Variants in ATF6 observed in about 807,000 individuals in gnomAD.
The protein encoded by ATF6 is cyclic AMP-dependent transcription factor ATF-6 alpha.
ATF6 carries 53 observed loss-of-function variants against 83.6 expected under a neutral mutation model. The ratio of observed to expected loss-of-function variants is 0.63; its 90% CI spans 0.51 to 0.80. The LOEUF (loss-of-function observed/expected upper bound fraction) is 0.80, where lower values mean the gene tolerates loss of function less well. Among genes scored for constraint, ATF6 ranks in the 30% least tolerant of loss-of-function variants. The pLI, the probability that ATF6 is intolerant of heterozygous loss-of-function variation, is 0.00. For synonymous variants in ATF6, 288 were observed against 285.8 expected (o/e 1.01, Z -0.08); for missense variants, 744 against 797.9 (o/e 0.93, Z 0.81).
At chr1:161,835,021 G>C (rs938820092) in intron 9 of ATF6, among the ~76,000 whole-genome samples, 2 of 151,542 alleles carry the variant, frequency 1.3e-5, no homozygotes, top group African/African-American at 2.4e-5. Flanking sequence ...TCACTTCTAT[G>C]ATGTTCTTGT....
chr1:161,812,352 G>A (rs1685490000), intron 7 of ATF6, among the ~76,000 whole-genome samples: 1 of 143,738 alleles, frequency 7.0e-6, no homozygotes, highest in Non-Finnish European at 1.5e-5. Flanking sequence ...ATGGGAGCTG[G>A]AATGGGAGCA....
intron 13 of ATF6, among the ~76,000 whole-genome samples, chr1:161,862,313 CT>C (rs1297741512): frequency 6.6e-6 from 1 of 152,120 alleles, no homozygotes; most frequent in Non-Finnish European, 1.5e-5. Flanking sequence ...TTTTTCTCCT[CT>C]TAATAATATT....
At chr1:161,836,315 A>G (rs1686214589) in intron 9 of ATF6, among the ~76,000 whole-genome samples, 1 of 152,246 alleles carries the variant, frequency 6.6e-6, no homozygotes, top group African/African-American at 2.4e-5. Flanking sequence ...TATTGGCTGT[A>G]GGTTAAAAGT....
chr1:161,952,279 A>G (rs950359239), intron 15 of ATF6, among the ~76,000 whole-genome samples: 2 of 151,802 alleles, frequency 1.3e-5, no homozygotes, highest in African/African-American at 4.8e-5. Flanking sequence ...AGTCCTCTCC[A>G]CTAAAATGTC....
intron 5 of ATF6, 125 bp downstream of exon 5, chr1:161,791,662 G>T (rs1329196466): frequency 8.7e-6 from 9 of 1,037,654 alleles, no homozygotes; most frequent in Non-Finnish European, 1.1e-5. Flanking sequence ...TTAATTGGTG[G>T]ACCTATATTG....
chr1:161,874,832 C>CATGTAGGCAGACATTTTCTGATGT (rs1393930750), intron 14 of ATF6, among the ~76,000 whole-genome samples: 1 of 151,588 alleles, frequency 6.6e-6, no homozygotes, highest in African/African-American at 2.4e-5. Flanking sequence ...AAACCACAGC[C>CATGTAGGCAGACATTTTCTGATGT]ATGTAGGCAG....
At chr1:161,862,431 A>G (rs1384182015) in intron 13 of ATF6, among the ~76,000 whole-genome samples, 1 of 152,214 alleles carries the variant, frequency 6.6e-6, no homozygotes, top group Non-Finnish European at 1.5e-5. Flanking sequence ...TCCTGAACAC[A>G]TTAAGAACTC....
At chr1:161,919,673 G>A (rs751521961) in intron 15 of ATF6, among the ~76,000 whole-genome samples, 1 of 152,138 alleles carries the variant, frequency 6.6e-6, no homozygotes, top group Non-Finnish European at 1.5e-5. Context: ...CTGTGTGCCA[G>A]GTACCTGTTT....
At chr1:161,853,101 C>T (rs1352386316) in intron 11 of ATF6, 123 bp from the exon 12 acceptor site, 2 of 649,374 alleles carry the variant, frequency 3.1e-6, no homozygotes, top group Non-Finnish European at 5.1e-6. Context: ...ATTGAGTCAT[C>T]AGGCACTTGG....
At chr1:161,887,500 T>C (rs1297666428) in intron 14 of ATF6, among the ~76,000 whole-genome samples, 2 of 152,212 alleles carry the variant, frequency 1.3e-5, no homozygotes, top group Non-Finnish European at 2.9e-5. Context: ...GGATAATTGT[T>C]ATCACCCATC....
At chr1:161,870,291 A>G (rs1687095419) in intron 14 of ATF6, among the ~76,000 whole-genome samples, 1 of 151,882 alleles carries the variant, frequency 6.6e-6, no homozygotes, top group South Asian at 2.1e-4. Flanking sequence ...ATGCTGGAGA[A>G]TAACTTAATG....
At chr1:161,912,591 T>A (rs1018967605) in intron 15 of ATF6, among the ~76,000 whole-genome samples, 2 of 152,204 alleles carry the variant, frequency 1.3e-5, no homozygotes, top group African/African-American at 4.8e-5. Flanking sequence ...AGTAGCTTTC[T>A]TTTACTTACA....
chr1:161,863,329 A>G lies in ATF6; in HGVS notation c.1719+17A>G, dbSNP rs753942306. On this transcript the variant is annotated intron_variant, in intron 14 of 15. Coordinates refer to ENST00000367942, the MANE Select transcript of ATF6 (RefSeq NM_007348.4). ...TTTCGAAGGGTAAGTTCATCTTGAA[A>G]GAATAGAGCAAATATTTTTGAGTGC... 4 of 1,517,952 alleles carry G rather than the reference A, an allele frequency of 2.6e-6. No homozygotes were observed. The Admixed American group carries it at 6.7e-5, about 25-fold the overall frequency. The allele number at this position is 1,517,952 out of a possible 1,614,324, so 94.0% of individuals were successfully genotyped here.
chr1:161,838,841 C>T (rs1686284152), intron 9 of ATF6, among the ~76,000 whole-genome samples: 1 of 152,168 alleles, frequency 6.6e-6, no homozygotes, highest in African/African-American at 2.4e-5. Flanking sequence ...TTTATCTTGA[C>T]TTGAAGGTCT....
intron 14 of ATF6, among the ~76,000 whole-genome samples, chr1:161,907,528 G>T (rs183110188): frequency 3.3e-5 from 5 of 152,022 alleles, no homozygotes; most frequent in Admixed American, 3.3e-4. Context: ...GCTGCTCAGT[G>T]TCACAAGTGC....
chr1:161,882,917 A>G (rs1405435257), intron 14 of ATF6, among the ~76,000 whole-genome samples: 1 of 151,988 alleles, frequency 6.6e-6, no homozygotes, highest in Non-Finnish European at 1.5e-5. Context: ...CTTCTTTATC[A>G]TCAGGGGATT....
chr1:161,849,704 CTA>C (rs71771773), intron 10 of ATF6, among the ~76,000 whole-genome samples: 39,724 of 151,686 alleles, frequency 0.26, 8,717 homozygotes, highest in African/African-American at 0.61. Context: ...GGTGACTCAT[CTA>C]TAATTTCATG....
intron 9 of ATF6, among the ~76,000 whole-genome samples, chr1:161,829,963 G>T (rs1045535927): frequency 6.6e-6 from 1 of 152,132 alleles, no homozygotes; most frequent in African/African-American, 2.4e-5. Context: ...GGGCAATCAG[G>T]CAGGAGAAAG....
rs1689131576 is a variant in ATF6, at chr1:161,962,993, G to A, written c.*4339G>A. 1 of 152,110 alleles carries A rather than the reference G, an allele frequency of 6.6e-6. No individual in the cohort carries two copies. The allele number at this position is 152,110 out of a possible 1,614,324, so 9.4% of individuals were successfully genotyped here. ...AAGCCTAAAAGAGAATGAAATATAA[G>A]AAATGTTCGTTCCCACCCCTAATAA... is the stretch of plus-strand genomic sequence containing the variant. On this transcript the variant is annotated 3_prime_UTR_variant, in exon 16 of 16. Transcript: ENST00000367942.
Sources: allele counts gnomAD v4.1 joint callset (sites outside exome capture counted in the v4.1 genomes callset), GRCh38; gene constraint gnomAD v4.1.1; transcripts MANE v1.5; gene names NCBI Gene and HGNC (gene_info 2026-07-23, HGNC 2026-07-21).